Variants in CLSTN2 observed in about 807,000 individuals in gnomAD.
CLSTN2 encodes the protein calsyntenin-2.
A neutral mutation model predicts 101.2 loss-of-function variants in CLSTN2; 48 were observed. The ratio of observed to expected loss-of-function variants is 0.47; its 90% confidence interval spans 0.38 to 0.60. CLSTN2 has a LOEUF of 0.60. Among genes scored for constraint, CLSTN2 ranks in the 20% least tolerant of loss-of-function variants. CLSTN2 has a pLI of 0.00. For missense variants in CLSTN2, 1,160 were observed against 1,238.2 expected (o/e 0.94, Z 0.95); for synonymous variants, 481 against 463.6 (o/e 1.04, Z -0.48).
rs536450838 is a variant in CLSTN2 at position 140,478,381 on chromosome 3, C to T, written c.1344+11650C>T. On this transcript the variant is annotated intron_variant, in intron 8 of 16. Coordinates refer to ENST00000458420, the MANE Select transcript of CLSTN2 (RefSeq NM_022131.3). ...TCCTTTAACAGGTAAATAGTCTGTA[C>T]GTGTCCATGTATGAAATGCTATTCA... 5.4e-5 allele frequency among the ~76,000 whole-genome samples: 8 copies of T among 149,504 alleles called. No individual in the cohort carries two copies. The East Asian group carries it at 1.6e-3, about 29-fold the overall frequency.
chr3:140,564,256 C>A lies in CLSTN2; in HGVS notation c.2667+111C>A, dbSNP rs777274511. ...ATACCCCCTCCTTCTGGAAGCCCTG[C>A]CCCATCTAGTCCAGCTCCACTGATT... On this transcript the variant is annotated intron_variant, in intron 16 of 16. Transcript: ENST00000458420. The A allele has an allele frequency of 1.2e-3, 1,068 of 922,844 alleles. 2 individuals carry two copies. The highest frequency in any genetic ancestry group is 1.6e-3 in the Non-Finnish European group (966 of 594,518). The allele number at this position is 922,844 out of a possible 1,614,324, so 57.2% of individuals were successfully genotyped here. A position where few individuals can be genotyped will look rare whatever the true frequency, so the allele number is the denominator to read the frequency against.
chr3:140,262,316 T>C (rs2086660214), intron 2 of CLSTN2, among the ~76,000 whole-genome samples: 1 of 152,210 alleles, frequency 6.6e-6, no homozygotes, highest in Non-Finnish European at 1.5e-5. Flanking sequence ...ACCCATAGGA[T>C]GCCAGTCAGC....
chr3:140,236,863 GTATA>G (rs1553724586), intron 2 of CLSTN2, among the ~76,000 whole-genome samples: 1 of 119,302 alleles, frequency 8.4e-6, no homozygotes, highest in African/African-American at 3.6e-5. Context: ...GTGTGTGTGT[GTATA>G]TAAATTTCAC....
intron 12 of CLSTN2, among the ~76,000 whole-genome samples, chr3:140,561,372 G>C (rs1223299210): frequency 6.6e-6 from 1 of 152,050 alleles, no homozygotes. Context: ...TTTAATTTAG[G>C]ACTGCCGAAC....
At chr3:140,368,712 G>A (rs188990733) in intron 2 of CLSTN2, among the ~76,000 whole-genome samples, 99 of 152,252 alleles carry the variant, frequency 6.5e-4, no homozygotes, top group African/African-American at 2.3e-3. Context: ...CCTGTGCAAA[G>A]ACTGGTCAGG....
At chr3:140,502,091 G>A (rs1934587795) in intron 8 of CLSTN2, among the ~76,000 whole-genome samples, 1 of 152,184 alleles carries the variant, frequency 6.6e-6, no homozygotes, top group Non-Finnish European at 1.5e-5. Flanking sequence ...CCAGGGTATG[G>A]CACAAAATGT....
chr3:140,397,579 T>G (rs1320183356), intron 2 of CLSTN2, among the ~76,000 whole-genome samples: 1 of 152,180 alleles, frequency 6.6e-6, no homozygotes, highest in Admixed American at 6.5e-5. Context: ...CAGTGTCTTT[T>G]GAGGGCCCAT....
At chr3:140,411,563 G>A (rs1338476828) in intron 4 of CLSTN2, among the ~76,000 whole-genome samples, 1 of 152,224 alleles carries the variant, frequency 6.6e-6, no homozygotes, top group African/African-American at 2.4e-5. Flanking sequence ...TACTTTAGAT[G>A]AAATGGACAT....
chr3:140,205,532 G>A (rs916444221), intron 2 of CLSTN2, among the ~76,000 whole-genome samples: 12 of 152,028 alleles, frequency 7.9e-5, no homozygotes, highest in African/African-American at 2.9e-4. Flanking sequence ...ATTAAACTGA[G>A]GCTGGAGAGC....
intron 5 of CLSTN2, among the ~76,000 whole-genome samples, chr3:140,441,038 C>G (rs2088758178): frequency 6.6e-6 from 1 of 152,198 alleles, no homozygotes; most frequent in Non-Finnish European, 1.5e-5. Flanking sequence ...CCTCACCACC[C>G]CTGCCTCCTT....
chr3:140,434,100 A>C (rs1273043772), intron 5 of CLSTN2, among the ~76,000 whole-genome samples: 3 of 152,124 alleles, frequency 2.0e-5, no homozygotes, highest in Non-Finnish European at 4.4e-5. Flanking sequence ...TTGGATTCTC[A>C]TAATGTGTGT....
At chr3:140,384,558 G>A (rs943966203) in intron 2 of CLSTN2, among the ~76,000 whole-genome samples, 19 of 149,702 alleles carry the variant, frequency 1.3e-4, no homozygotes, top group South Asian at 2.1e-4. Context: ...CCCAGGGGTC[G>A]CCTGGTGCAT....
At chr3:140,128,207 C>G (rs1410999738) in intron 1 of CLSTN2, among the ~76,000 whole-genome samples, 1 of 151,950 alleles carries the variant, frequency 6.6e-6, no homozygotes, top group Non-Finnish European at 1.5e-5. Flanking sequence ...TAAGCTCTCC[C>G]AATTAAAATA....
At chr3:140,432,803 G>A (rs1286937097) in intron 5 of CLSTN2, among the ~76,000 whole-genome samples, 1 of 152,180 alleles carries the variant, frequency 6.6e-6, no homozygotes. Context: ...GGGGAAGAGG[G>A]TGTGGGCAGA....
intron 1 of CLSTN2, among the ~76,000 whole-genome samples, chr3:140,042,223 C>A (rs12108195): frequency 0.036 from 5,473 of 152,268 alleles, 332 homozygotes; most frequent in African/African-American, 0.12. Flanking sequence ...TACCCATCAG[C>A]AACTTTCCTT....
rs1404609959 is a variant in CLSTN2 at position 140,570,118 on chromosome 3, C to T, written c.*3865C>T. 1 of 152,122 alleles carries T rather than the reference C, an allele frequency of 6.6e-6. No individual in the cohort carries two copies. 9.4% of individuals were successfully genotyped at this position (152,122 alleles called of 1,614,324 possible). ...TGGGGGTGGTGAGAAGCAATGTCCC[C>T]CATTCCTATATGTCAGGTGTCAGCA... On this transcript the variant is annotated 3_prime_UTR_variant, in exon 17 of 17. Coordinates refer to ENST00000458420, the MANE Select transcript of CLSTN2 (RefSeq NM_022131.3).
rs1034122847 is a variant in CLSTN2, at chr3:139,935,356, G to C, written c.-19G>C. 2 of 1,211,096 alleles carry C rather than the reference G, an allele frequency of 1.7e-6. No homozygotes were observed. Among genetic ancestry groups the C allele is most frequent in the African/African-American group, 3.1e-5 (2 of 63,798 alleles). 75.0% of individuals were successfully genotyped at this position (1,211,096 alleles called of 1,614,324 possible). ...GGACAGTAGGCGGCGGCTGCAGCTC[G>C]TTGGCGGCTGCTGCGAGGATGCTGC... is the stretch of plus-strand genomic sequence containing the variant. On this transcript the variant is annotated 5_prime_UTR_variant, in exon 1 of 17. Coordinates refer to ENST00000458420, the MANE Select transcript of CLSTN2 (RefSeq NM_022131.3). The surrounding 1 kb of genome is among the most constrained non-coding windows in gnomAD (Gnocchi z 5.5).
At chr3:140,011,590 G>A (rs986668626) in intron 1 of CLSTN2, among the ~76,000 whole-genome samples, 63 of 152,316 alleles carry the variant, frequency 4.1e-4, no homozygotes, top group African/African-American at 1.5e-3. Context: ...CTAGTGCTTA[G>A]TAGTACATAG....
chr3:140,417,647 T>C (rs1007007071), intron 4 of CLSTN2, among the ~76,000 whole-genome samples: 1 of 152,228 alleles, frequency 6.6e-6, no homozygotes, highest in African/African-American at 2.4e-5. Context: ...CAGGGACTTA[T>C]GTTCACCATG....
Sources: gnomAD v4.1 joint callset for allele counts (sites outside exome capture counted in the v4.1 genomes callset) on GRCh38, gnomAD v4.1.1 for gene constraint, Gnocchi (gnomAD v3.1) non-coding constraint, MANE v1.5 for transcripts, NCBI Gene and HGNC (gene_info 2026-07-23, HGNC 2026-07-21) for gene names.